Variants in CD300C observed in about 807,000 individuals in gnomAD.
CD300C encodes the protein CD300c molecule.
In CD300C, 11 loss-of-function variants were observed where a neutral mutation model predicts 18.4. The observed-to-expected ratio is 0.60, with a 90% CI of 0.38 to 0.99. The LOEUF (loss-of-function observed/expected upper bound fraction) is 0.99. Among genes scored for constraint, CD300C ranks in the 50% least tolerant of loss-of-function variants. The pLI is 0.01. For missense variants in CD300C, 277 were observed against 287.4 expected (o/e 0.96, Z 0.26); for synonymous variants, 116 against 116.3 (o/e 1.00, Z 0.02).
At chr17:74,539,243 C>G (rs557467849), downstream of CD300C, among the ~76,000 whole-genome samples, 3 of 152,314 alleles carry the variant, frequency 2.0e-5, no homozygotes, top group South Asian at 6.2e-4. Context: ...GAAGGGGTCA[C>G]TGCACCCTTG....
downstream of CD300C, among the ~76,000 whole-genome samples, chr17:74,538,924 A>G (rs1908458046): frequency 6.6e-6 from 1 of 152,216 alleles, no homozygotes; most frequent in Admixed American, 6.5e-5. Context: ...CAGGGAACAG[A>G]CATGTTGGAC....
At chr17:74,544,326 G>C (rs1210215093) in intron 2 of CD300C, among the ~76,000 whole-genome samples, 3 of 152,198 alleles carry the variant, frequency 2.0e-5, no homozygotes, top group Non-Finnish European at 4.4e-5. Flanking sequence ...GTGAGGGAGG[G>C]CCCACAGCGG....
chr17:74,543,759 G>T lies in CD300C; in HGVS notation c.401-772C>A, dbSNP rs147968408. Among the ~76,000 whole-genome samples, 1,181 of 152,284 alleles carry T rather than the reference G, an allele frequency of 7.8e-3. 23 individuals carry two copies. Among genetic ancestry groups the T allele is most frequent in the African/African-American group, 0.027 (1,106 of 41,560 alleles). On this transcript the variant is annotated intron_variant, in intron 2 of 3. Coordinates refer to ENST00000330793, the MANE Select transcript of CD300C (RefSeq NM_006678.5). Reference sequence around the variant, plus strand: ...ACGATGGAAAAGCAACCACACTGAGGCCACTGGGTTTGTGTCTTGTGAGAC... The same window carrying T: ...ACGATGGAAAAGCAACCACACTGAGTCCACTGGGTTTGTGTCTTGTGAGAC...
chr17:74,535,216 C>T, the CD300C span, among the ~76,000 whole-genome samples: 1 of 152,158 alleles, frequency 6.6e-6, no homozygotes, highest in African/African-American at 2.4e-5. Context: ...TGCCTGTAAT[C>T]CCAGCACTTT....
Position 74,541,549 on chromosome 17 carries a change from G to T in CD300C, c.*40C>A. ...AGGAGGTCATTCCAGTCCCCCAGAG[G>T]GGCTCTGTTGCAGCACAGGGCCTTG... On this transcript the variant is annotated 3_prime_UTR_variant, in exon 4 of 4. Coordinates refer to ENST00000330793, the MANE Select transcript of CD300C (RefSeq NM_006678.5). 1 of 1,417,064 alleles carries T rather than the reference G, an allele frequency of 7.1e-7. No individual in the cohort carries two copies. Among genetic ancestry groups the T allele is most frequent in the Non-Finnish European group, 1.0e-6 (1 of 1,000,794 alleles). The allele number at this position is 1,417,064 out of a possible 1,614,324, so 87.8% of individuals were successfully genotyped here.
In CD300C at chr17:74,545,844, T is replaced by C; in HGVS notation, c.-62A>G. The C allele has an allele frequency of 1.6e-6, 2 of 1,271,302 alleles. No individual in the cohort carries two copies. Among genetic ancestry groups the C allele is most frequent in the Non-Finnish European group, 2.3e-6 (2 of 888,772 alleles). The allele number at this position is 1,271,302 out of a possible 1,614,324, so 78.8% of individuals were successfully genotyped here. The stretch of plus-strand genomic sequence containing the variant: ...CCCCAGGAGGGGACAAAATGTAATC[T>C]CCTCCCAGCAGATCTGAGCTTCGCT... On this transcript the variant is annotated 5_prime_UTR_variant, in exon 1 of 4. Transcript: ENST00000330793.
At chr17:74,545,211 ACT>A (rs981213409) in intron 1 of CD300C, among the ~76,000 whole-genome samples, 8 of 151,082 alleles carry the variant, frequency 5.3e-5, no homozygotes, top group African/African-American at 1.5e-4. Flanking sequence ...TGTGAGTGTG[ACT>A]CTGTGTGTGT....
downstream of CD300C, among the ~76,000 whole-genome samples, chr17:74,539,173 C>T (rs924759377): frequency 6.6e-6 from 1 of 152,162 alleles, no homozygotes; most frequent in Non-Finnish European, 1.5e-5. Context: ...CCTATCATGC[C>T]CAATAGCACC....
At chr17:74,543,828 G>A (rs1414385358) in intron 2 of CD300C, among the ~76,000 whole-genome samples, 1 of 152,182 alleles carries the variant, frequency 6.6e-6, no homozygotes, top group Admixed American at 6.5e-5. Context: ...GCACGGGAAA[G>A]GGCCCTCAGG....
At position 74,541,568 on chromosome 17, in the gene CD300C, G is replaced by C. The variant is rs775502828; in HGVS notation, c.*21C>G. 6 of 1,565,828 alleles carry C rather than the reference G, an allele frequency of 3.8e-6. No individual in the cohort carries two copies. In the East Asian group the frequency reaches 1.1e-4, roughly 29 times the overall value. On this transcript the variant is annotated 3_prime_UTR_variant, in exon 4 of 4. Coordinates refer to ENST00000330793, the MANE Select transcript of CD300C (RefSeq NM_006678.5). ...CCAGAGGGGCTCTGTTGCAGCACAG[G>C]GCCTTGATGGACAGCAGATGCTACT...
At chr17:74,538,076 TAA>T (rs1202335386), downstream of CD300C, among the ~76,000 whole-genome samples, 2 of 152,234 alleles carry the variant, frequency 1.3e-5, no homozygotes, top group African/African-American at 4.8e-5. Flanking sequence ...ACACACAGGT[TAA>T]AGAGTATTCT....
At chr17:74,536,555 CACAG>C (rs1260368098), downstream of CD300C, among the ~76,000 whole-genome samples, 3 of 133,286 alleles carry the variant, frequency 2.3e-5, no homozygotes, top group South Asian at 2.4e-4. Flanking sequence ...AAAAAAAGAA[CACAG>C]ACAAACAACA....
At chr17:74,537,360 G>T (rs1908412430), downstream of CD300C, among the ~76,000 whole-genome samples, 1 of 152,106 alleles carries the variant, frequency 6.6e-6, no homozygotes. Flanking sequence ...CAAAAATAAA[G>T]TGTTGAATGG....
downstream of CD300C, among the ~76,000 whole-genome samples, chr17:74,537,980 T>C (rs558194763): frequency 1.9e-4 from 29 of 152,244 alleles, no homozygotes; most frequent in South Asian, 5.2e-3. Flanking sequence ...GAGAGAAGGA[T>C]AGAAAAGAAA....
Position 74,545,999 on chromosome 17 carries a change from G to C in CD300C, c.-217C>G. 1 of 542,930 alleles carries C rather than the reference G, an allele frequency of 1.8e-6. No individual in the cohort carries two copies. Among genetic ancestry groups the C allele is most frequent in the African/African-American group, 1.9e-5 (1 of 52,688 alleles). The allele number at this position is 542,930 out of a possible 1,614,324, so 33.6% of individuals were successfully genotyped here. On this transcript the variant is annotated 5_prime_UTR_variant, in exon 1 of 4. Transcript: ENST00000330793. ...AGGCCGGTGCTGACAGCTCTGGGAT[G>C]GTGCTAGTGGCTCCTCTCAACCCTG...
rs919232959 is a variant in CD300C, at chr17:74,545,065, C to G, written c.62-118G>C. 21 of 908,976 alleles carry G rather than the reference C, an allele frequency of 2.3e-5. No homozygotes were observed. The African/African-American group carries it at 2.7e-4, about 12-fold the overall frequency. 56.3% of individuals were successfully genotyped at this position (908,976 alleles called of 1,614,324 possible). Reference sequence around the variant, plus strand: ...GAGAAGGCAATGGCAGGCAGGCAGCCTTTGTCCACCCAGGAACAGGGACTG... The same window carrying G: ...GAGAAGGCAATGGCAGGCAGGCAGCGTTTGTCCACCCAGGAACAGGGACTG... On this transcript the variant is annotated intron_variant, in intron 1 of 3. Coordinates refer to ENST00000330793, the MANE Select transcript of CD300C (RefSeq NM_006678.5).
At chr17:74,537,719 A>T (rs1433377243), downstream of CD300C, among the ~76,000 whole-genome samples, 8 of 152,210 alleles carry the variant, frequency 5.3e-5, no homozygotes, top group Non-Finnish European at 1.2e-4. Context: ...AAATAAACAA[A>T]GCTAAACAAC....
At chr17:74,543,645 G>A (rs1908640329) in intron 2 of CD300C, among the ~76,000 whole-genome samples, 1 of 152,140 alleles carries the variant, frequency 6.6e-6, no homozygotes, top group South Asian at 2.1e-4. Context: ...AGATAGGAAG[G>A]CACAAAGGGC....
chr17:74,536,725 A>G (rs1262516696), downstream of CD300C, among the ~76,000 whole-genome samples: 2 of 152,318 alleles, frequency 1.3e-5, no homozygotes, highest in Admixed American at 1.3e-4. Context: ...AAATTTAGAA[A>G]GTCTGATAAG....
Sources: allele counts gnomAD v4.1 joint callset (sites outside exome capture counted in the v4.1 genomes callset), GRCh38; gene constraint gnomAD v4.1.1; transcripts MANE v1.5; gene names NCBI Gene and HGNC (gene_info 2026-07-23, HGNC 2026-07-21).